Variants in GABRA3 observed in about 807,000 individuals in gnomAD.
GABRA3 encodes gamma-aminobutyric acid type A receptor subunit alpha3.
A neutral mutation model predicts 30.1 loss-of-function variants in GABRA3; 10 were observed. The ratio of observed to expected loss-of-function variants is 0.33; its 90% CI spans 0.20 to 0.56. GABRA3 has a LOEUF of 0.56. Among genes scored for constraint, GABRA3 ranks in the 20% least tolerant of loss-of-function variants. The probability of loss-of-function intolerance (pLI) is 0.89; values close to 1 mark genes in which losing one functional copy is unlikely to be tolerated. For synonymous variants in GABRA3, 151 were observed against 146.8 expected, an observed-to-expected ratio of 1.03 and a Z score of -0.21; for missense variants, 233 against 392.0, an observed-to-expected ratio of 0.59 and a Z score of 3.42.
intron 7 of GABRA3, among the ~76,000 whole-genome samples, chrX:152,203,782 T>G (rs1446327265): frequency 8.9e-6 from 1 of 111,967 alleles, no homozygotes; most frequent in Non-Finnish European, 1.9e-5. Context: ...CTGGTCTTCC[T>G]GCCTCTCCTT....
At chrX:152,267,911 TTTG>T (rs200844527) in intron 4 of GABRA3, among the ~76,000 whole-genome samples, 3,342 of 111,230 alleles carry the variant, frequency 0.03, 123 homozygotes, top group African/African-American at 0.1. Flanking sequence ...TAGCTACAGG[TTTG>T]TTGATTTTAT....
intron 6 of GABRA3, among the ~76,000 whole-genome samples, chrX:152,219,010 C>T (rs759235597): frequency 3.6e-5 from 4 of 111,147 alleles, no homozygotes; most frequent in African/African-American, 9.8e-5. Context: ...AATCACTCTC[C>T]TTCTTGATGT....
chrX:152,214,949 A>G (rs1235646705), intron 6 of GABRA3, among the ~76,000 whole-genome samples: 1 of 108,613 alleles, frequency 9.2e-6, no homozygotes, highest in Admixed American at 9.9e-5. Flanking sequence ...TCTTAATTCT[A>G]ACAAATTTTT....
At chrX:152,350,129 A>C (rs1202728943) in intron 2 of GABRA3, among the ~76,000 whole-genome samples, 1 of 104,326 alleles carries the variant, frequency 9.6e-6, no homozygotes, top group Non-Finnish European at 1.9e-5. Context: ...GTGCAATCAA[A>C]CTAGAACTCA....
chrX:152,440,547 C>T (rs1930898895), intron 1 of GABRA3, among the ~76,000 whole-genome samples: 1 of 112,194 alleles, frequency 8.9e-6, no homozygotes, highest in Non-Finnish European at 1.9e-5. Flanking sequence ...TTAAATCATG[C>T]TACTATAAAG....
At chrX:152,441,550 G>T (rs1930932253) in intron 1 of GABRA3, among the ~76,000 whole-genome samples, 1 of 111,791 alleles carries the variant, frequency 8.9e-6, no homozygotes, top group Admixed American at 9.5e-5. Flanking sequence ...AACAAGAAAA[G>T]TGGTGTGAGT....
At chrX:152,261,257 T>C (rs1473710217) in intron 4 of GABRA3, among the ~76,000 whole-genome samples, 1 of 111,409 alleles carries the variant, frequency 9.0e-6, no homozygotes, top group Non-Finnish European at 1.9e-5. Flanking sequence ...CCAAATCATA[T>C]AATTCCACTC....
rs1296415252 is a variant in GABRA3, at chrX:152,166,905, C to T, written c.*1323G>A. On this transcript the variant is annotated 3_prime_UTR_variant, in exon 10 of 10. Coordinates refer to ENST00000370314, the MANE Select transcript of GABRA3 (RefSeq NM_000808.4). ...TTTATTAAAGACACTTGTAAGGAGC[C>T]TAGGCAAATCATTCAAACTTCTGGG... 1 of 110,662 alleles carries T rather than the reference C, an allele frequency of 9.0e-6. No homozygotes were observed. Among genetic ancestry groups the T allele is most frequent in the Non-Finnish European group, 1.9e-5 (1 of 52,983 alleles). 9.1% of individuals were successfully genotyped at this position (110,662 alleles called of 1,213,427 possible). A position where few individuals can be genotyped will look rare whatever the true frequency, so the allele number is the denominator to read the frequency against.
chrX:152,289,506 ATCTT>A (rs757553591), intron 3 of GABRA3, among the ~76,000 whole-genome samples: 12 of 85,323 alleles, frequency 1.4e-4, no homozygotes, highest in African/African-American at 3.9e-4. Flanking sequence ...CTTGTATTTT[ATCTT>A]TCTTTCTTTC....
intron 2 of GABRA3, among the ~76,000 whole-genome samples, chrX:152,352,276 G>A (rs1188458224): frequency 9.0e-6 from 1 of 111,597 alleles, no homozygotes; most frequent in Non-Finnish European, 1.9e-5. Flanking sequence ...TTCCATATAT[G>A]TAAAATGGGG....
intron 6 of GABRA3, among the ~76,000 whole-genome samples, chrX:152,216,730 T>C (rs1937732491): frequency 9.1e-6 from 1 of 109,729 alleles, no homozygotes; most frequent in African/African-American, 3.3e-5. Context: ...AAGGAATAAG[T>C]TCTGGTGTGC....
intron 8 of GABRA3, among the ~76,000 whole-genome samples, chrX:152,195,691 C>G: frequency 8.9e-6 from 1 of 111,878 alleles, no homozygotes; most frequent in Non-Finnish European, 1.9e-5. Context: ...GCTTTCTCCT[C>G]CATAGTCAAA....
In GABRA3 at chrX:152,421,213, T is replaced by C. The variant is rs1044011957; in HGVS notation, c.-27+29933A>G. 4.5e-5 allele frequency among the ~76,000 whole-genome samples: 5 copies of C among 110,330 alleles called. No individual in the cohort carries two copies. In the East Asian group the frequency reaches 1.1e-3, roughly 25 times the overall value. On this transcript the variant is annotated intron_variant, in intron 1 of 9. Transcript: ENST00000370314. ...CCTCACCTTAATGTTGTCAGTAGGT[T>C]CTTGGAAACTGCAATTTTCAAGGAA...
chrX:152,410,292 G>A (rs960628434), intron 1 of GABRA3, among the ~76,000 whole-genome samples: 1 of 111,300 alleles, frequency 9.0e-6, no homozygotes, highest in African/African-American at 3.3e-5. Context: ...GGAACAAGAG[G>A]TAGTATTTGA....
rs929465511 is a variant in GABRA3 at position 152,198,932 on chromosome X, T to C, written c.779-1147A>G. Among the ~76,000 whole-genome samples, 16 of 111,856 alleles carry C rather than the reference T, an allele frequency of 1.4e-4. No homozygotes were observed. The Admixed American group carries it at 1.5e-3, about 11-fold the overall frequency. ...AGACTGTGGCCTTGTTTGGAAATAG[T>C]GTTATTGCAGATGTAGTTAGTTAAG... On this transcript the variant is annotated intron_variant, in intron 7 of 9. Transcript: ENST00000370314.
chrX:152,401,554 A>G (rs1158823075), intron 1 of GABRA3, among the ~76,000 whole-genome samples: 5 of 111,585 alleles, frequency 4.5e-5, no homozygotes, highest in African/African-American at 6.5e-5. Flanking sequence ...CCAATTACTA[A>G]TAAGTGTAAA....
At chrX:152,338,210 T>C (rs1041975329) in intron 3 of GABRA3, among the ~76,000 whole-genome samples, 5 of 111,944 alleles carry the variant, frequency 4.5e-5, no homozygotes, top group Non-Finnish European at 9.4e-5. Flanking sequence ...GTCCAACTTT[T>C]GGGTAACAGC....
At chrX:152,401,074 G>GA (rs1036191170) in intron 1 of GABRA3, among the ~76,000 whole-genome samples, 3 of 111,403 alleles carry the variant, frequency 2.7e-5, no homozygotes, top group African/African-American at 9.8e-5. Context: ...GACTCTTTAA[G>GA]AAAAGGACCC....
chrX:152,192,212 A>G (rs958784595), intron 8 of GABRA3, among the ~76,000 whole-genome samples: 1 of 112,032 alleles, frequency 8.9e-6, no homozygotes, highest in African/African-American at 3.2e-5. Flanking sequence ...AGGGCCCTCA[A>G]TCAAGCCTTT....
Sources: gnomAD v4.1 joint callset for allele counts (sites outside exome capture counted in the v4.1 genomes callset) on GRCh38, gnomAD v4.1.1 for gene constraint, MANE v1.5 for transcripts, NCBI Gene and HGNC (gene_info 2026-07-23, HGNC 2026-07-21) for gene names.